The following KIF6 variants were observed in gnomAD, a reference collection of about 807,000 sequenced individuals.
KIF6 encodes the protein kinesin family member 6.
In KIF6, 106 loss-of-function variants were observed where a neutral mutation model predicts 112.7. The observed-to-expected ratio is 0.94, with a 90% CI of 0.80 to 1.11. The LOEUF (loss-of-function observed/expected upper bound fraction) is 1.11, where lower values mean the gene tolerates loss of function less well. Ranked by LOEUF, KIF6 falls within the 50% of genes least tolerant of loss-of-function variation. KIF6 has a pLI of 0.00. For synonymous variants in KIF6, 339 were observed against 339.9 expected (o/e 1.00, Z 0.03); for missense variants, 929 against 964.0 (o/e 0.96, Z 0.48).
At chr6:39,487,696 C>T (rs554330789) in intron 13 of KIF6, among the ~76,000 whole-genome samples, 21 of 152,234 alleles carry the variant, frequency 1.4e-4, no homozygotes, top group Non-Finnish European at 2.8e-4. Context: ...CCACTGAATC[C>T]AGGTGAGTGC....
In KIF6 at chr6:39,567,668, C is replaced by T. The variant is rs146483672; in HGVS notation, c.1181+10388G>A. Among the ~76,000 whole-genome samples the T allele has an allele frequency of 5.1e-3, 761 of 150,326 alleles. 40 individuals carry two copies. In the East Asian group the frequency reaches 0.13, roughly 25 times the overall value. Reference sequence around the variant, plus strand: ...TGTCGCCCAGGCTGGAGTGCAGTGGCGCTATCTCGGCTCACTCCAAGCTCC... The same window carrying T: ...TGTCGCCCAGGCTGGAGTGCAGTGGTGCTATCTCGGCTCACTCCAAGCTCC... On this transcript the variant is annotated intron_variant, in intron 10 of 22. Transcript: ENST00000287152.
intron 14 of KIF6, among the ~76,000 whole-genome samples, chr6:39,424,060 C>A (rs1454088286): frequency 1.3e-5 from 2 of 152,200 alleles, no homozygotes. Flanking sequence ...GAAGTAGACT[C>A]TTCACGCTCT....
intron 13 of KIF6, among the ~76,000 whole-genome samples, chr6:39,436,169 G>A (rs186352240): frequency 6.6e-6 from 1 of 152,028 alleles, no homozygotes; most frequent in East Asian, 1.9e-4. Context: ...TTTTTTGAGA[G>A]ATGTCTCTTC....
At chr6:39,395,037 C>T (rs1490895540) in intron 15 of KIF6, among the ~76,000 whole-genome samples, 2 of 152,168 alleles carry the variant, frequency 1.3e-5, no homozygotes, top group Non-Finnish European at 2.9e-5. Flanking sequence ...CAAGACAGCT[C>T]CTTGCTTATC....
chr6:39,342,800 C>T lies in KIF6; in HGVS notation c.2428+909G>A, dbSNP rs533333752. ...AGCAAGGCGAGTACAGGACCAAGGCCGGCTCTCAGTTGCGGCGCTCCATCC... is the reference window on the plus strand; with the variant it reads ...AGCAAGGCGAGTACAGGACCAAGGCTGGCTCTCAGTTGCGGCGCTCCATCC... On this transcript the variant is annotated intron_variant, in intron 22 of 22. Transcript: ENST00000287152. The surrounding 1 kb of genome is among the most constrained non-coding windows in gnomAD (Gnocchi z 4.7). The T allele has an allele frequency of 9.8e-5, 97 of 985,194 alleles. No homozygotes were observed. The highest frequency in any genetic ancestry group is 1.1e-4 in the East Asian group (1 of 8,802). 61.0% of individuals were successfully genotyped at this position (985,194 alleles called of 1,614,324 possible). A position where few individuals can be genotyped will look rare whatever the true frequency, so the allele number is the denominator to read the frequency against.
intron 10 of KIF6, among the ~76,000 whole-genome samples, chr6:39,568,676 G>A (rs886163386): frequency 6.6e-6 from 1 of 151,706 alleles, no homozygotes; most frequent in African/African-American, 2.4e-5. Flanking sequence ...TCAGCCTCCT[G>A]AGTAGCTGGG....
intron 7 of KIF6, among the ~76,000 whole-genome samples, chr6:39,591,203 CG>C (rs1172704731): frequency 6.6e-6 from 1 of 152,184 alleles, no homozygotes; most frequent in Non-Finnish European, 1.5e-5. Context: ...GGCGCTGGGA[CG>C]GGCTCCTGGC....
chr6:39,549,609 C>T (rs546845601), intron 10 of KIF6, among the ~76,000 whole-genome samples: 1 of 152,298 alleles, frequency 6.6e-6, no homozygotes, highest in African/African-American at 2.4e-5. Flanking sequence ...GGAGAACCCA[C>T]ACCTGCAAGC....
chr6:39,394,411 C>A (rs1024156965), intron 15 of KIF6, among the ~76,000 whole-genome samples: 1 of 152,124 alleles, frequency 6.6e-6, no homozygotes, highest in Admixed American at 6.5e-5. Context: ...TATTCATAAC[C>A]GAAGTCTCAG....
At chr6:39,417,604 G>A (rs1042823329) in intron 15 of KIF6, among the ~76,000 whole-genome samples, 1 of 152,066 alleles carries the variant, frequency 6.6e-6, no homozygotes, top group Admixed American at 6.5e-5. Context: ...TTGGCTCTTG[G>A]GCAGGAAACA....
intron 9 of KIF6, among the ~76,000 whole-genome samples, chr6:39,580,887 C>T (rs887867032): frequency 6.6e-6 from 1 of 152,142 alleles, no homozygotes; most frequent in African/African-American, 2.4e-5. Flanking sequence ...TTTGTTTTAA[C>T]TTTTCTCATT....
chr6:39,549,634 C>A (rs1460873958), intron 10 of KIF6, among the ~76,000 whole-genome samples: 1 of 152,196 alleles, frequency 6.6e-6, no homozygotes, highest in Non-Finnish European at 1.5e-5. Context: ...ATTGAGGAGG[C>A]AAATAGGTGG....
Position 39,545,541 on chromosome 6 carries a change from A to G in KIF6, c.1287+42T>C, listed in dbSNP as rs753073523. The G allele has an allele frequency of 5.7e-5, 84 of 1,467,326 alleles. 1 individual carries two copies. In the South Asian group the frequency reaches 8.8e-4, roughly 15 times the overall value. The allele number at this position is 1,467,326 out of a possible 1,614,324, so 90.9% of individuals were successfully genotyped here. On this transcript the variant is annotated intron_variant, in intron 11 of 22. Coordinates refer to ENST00000287152, the MANE Select transcript of KIF6 (RefSeq NM_145027.6). ...AGAAAAGTTTTTTTGCAGCTTGAACATGGCTGAAAATGGCTTCTATTGGGG... is the reference window on the plus strand; with the variant it reads ...AGAAAAGTTTTTTTGCAGCTTGAACGTGGCTGAAAATGGCTTCTATTGGGG...
At chr6:39,486,484 A>G (rs983059143) in intron 13 of KIF6, among the ~76,000 whole-genome samples, 55 of 152,354 alleles carry the variant, frequency 3.6e-4, no homozygotes, top group African/African-American at 1.3e-3. Flanking sequence ...GCTGACCTCT[A>G]TCTAAATTCC....
In KIF6 at chr6:39,645,791, TA is replaced by T. The variant is rs1251221627; in HGVS notation, c.252-6035del. On this transcript the variant is annotated intron_variant, in intron 3 of 22. Transcript: ENST00000287152. ...TATACCATGGAATACTATGCGGCCA[TA>T]AAAAATGATGAGTTCATGTCCTTTG... Among the ~76,000 whole-genome samples the T allele has an allele frequency of 2.0e-5, 3 of 152,042 alleles. No individual in the cohort carries two copies. The South Asian group carries it at 6.2e-4, about 32-fold the overall frequency.
intron 13 of KIF6, among the ~76,000 whole-genome samples, chr6:39,515,479 C>G (rs1313514654): frequency 2.6e-5 from 4 of 152,218 alleles, no homozygotes; most frequent in Admixed American, 2.6e-4. Flanking sequence ...TACAGCCACC[C>G]CTTCACAAGT....
intron 3 of KIF6, among the ~76,000 whole-genome samples, chr6:39,646,227 C>G (rs531021732): frequency 1.0e-4 from 15 of 149,508 alleles, no homozygotes; most frequent in Middle Eastern, 7.0e-3. Flanking sequence ...AAGTAATCAA[C>G]AACAAATCAT....
chr6:39,685,345 A>G (rs1787794776), intron 3 of KIF6, among the ~76,000 whole-genome samples: 1 of 152,220 alleles, frequency 6.6e-6, no homozygotes, highest in South Asian at 2.1e-4. Context: ...CCAAGGAATT[A>G]GGTGCAGATG....
chr6:39,714,844 A>G, intron 2 of KIF6, 78 bp from the exon 3 acceptor site: 1 of 968,804 alleles, frequency 1.0e-6, no homozygotes, highest in Non-Finnish European at 1.6e-6. Context: ...GTTTTTCTGA[A>G]AGCTCTATTA....
Sources: allele counts gnomAD v4.1 joint callset (sites outside exome capture counted in the v4.1 genomes callset), GRCh38; gene constraint gnomAD v4.1.1; non-coding constraint Gnocchi (gnomAD v3.1); transcripts MANE v1.5; gene names NCBI Gene and HGNC (gene_info 2026-07-23, HGNC 2026-07-21).